Variants in ICAM2 observed in about 807,000 individuals in gnomAD.
ICAM2 encodes the protein ICAM-2.
A neutral mutation model predicts 19.1 loss-of-function variants in ICAM2; 14 were observed. The ratio of observed to expected loss-of-function variants is 0.73; its 90% CI spans 0.48 to 1.15. The LOEUF (loss-of-function observed/expected upper bound fraction) is 1.15. Among genes scored for constraint, ICAM2 ranks in the 50% most tolerant of loss-of-function variants. The pLI, the probability that ICAM2 is intolerant of heterozygous loss-of-function variation, is 0.00. For missense variants in ICAM2, 311 were observed against 355.4 expected, an observed-to-expected ratio of 0.88 and a Z score of 1.00; for synonymous variants, 153 against 152.7, an observed-to-expected ratio of 1.00 and a Z score of -0.01.
chr17:64,013,159 A>G (rs1419931205), intron 1 of ICAM2, among the ~76,000 whole-genome samples: 1 of 152,116 alleles, frequency 6.6e-6, no homozygotes, highest in Non-Finnish European at 1.5e-5. Context: ...TAAAAATACA[A>G]AAATTAGCTG....
chr17:64,003,884 G>T lies in ICAM2; in HGVS notation c.409C>A (p.Pro137Thr). 6.2e-7 allele frequency: 1 copy of T among 1,614,168 alleles called. No homozygotes were observed. The highest frequency in any genetic ancestry group is 8.5e-7 in the Non-Finnish European group (1 of 1,180,012). ...AGGCTGTCCAGGGGCTCCACGGTGG[G>T]CACCCTGCACTCAATGGTGAAGGAC... is the stretch of plus-strand genomic sequence containing the variant. ...GKSFTIECRV[P>T]TVEPLDSLTL... The change falls in exon 4 of 5, where the codon CCC becomes ACC. Residue 137 changes from proline to threonine, a missense_variant. By Grantham distance (38) the Pro-to-Thr change is conservative. Transcript: ENST00000579788.
At chr17:64,003,219 G>A (rs1156962005) in intron 4 of ICAM2, 1 of 459,188 alleles carries the variant, frequency 2.2e-6, no homozygotes, top group African/African-American at 2.0e-5. Context: ...GGACACCGTG[G>A]CCTGGAGGGT....
chr17:64,009,774 G>A (rs1911372848), intron 1 of ICAM2, among the ~76,000 whole-genome samples: 1 of 152,162 alleles, frequency 6.6e-6, no homozygotes. Context: ...TAGGATTAGA[G>A]TTCCCTTAAC....
chr17:64,011,799 T>C (rs1193267072), intron 1 of ICAM2, among the ~76,000 whole-genome samples: 3 of 152,196 alleles, frequency 2.0e-5, no homozygotes, highest in Non-Finnish European at 2.9e-5. Context: ...GAAAAAGGAA[T>C]GCTTACATGC....
chr17:64,005,319 T>C lies in ICAM2; in HGVS notation c.116A>G (p.Glu39Gly), dbSNP rs750157687. 1 of 1,614,128 alleles carries C rather than the reference T, an allele frequency of 6.2e-7. No homozygotes were observed. The highest frequency in any genetic ancestry group is 8.5e-7 in the Non-Finnish European group (1 of 1,180,000). ...VHVRPKKLAV[E>G]PKGSLEVNCS... ...GTTGACCTCGAGGGACCCTTTGGGC[T>C]CAACCGCCAGCTTCTTTGGCCTCAC... The change falls in exon 3 of 5, where the codon GAG becomes GGG. Residue 39 changes from glutamate (E) to glycine (G), a missense_variant. By Grantham distance (98) the Glu-to-Gly change is moderately conservative. Transcript: ENST00000579788.
At position 64,002,783 on chromosome 17, in the gene ICAM2, C is replaced by A. The variant is rs186856824; in HGVS notation, c.792G>T (p.Ala264=). The A allele has an allele frequency of 4.3e-6, 7 of 1,613,230 alleles. No homozygotes were observed. In the East Asian group the frequency reaches 1.6e-4, roughly 36 times the overall value. The change falls in exon 5 of 5, where the codon GCG becomes GCT. Residue 264 remains alanine (A), a synonymous_variant. Transcript: ENST00000579788. ...AGGCCTGGGGCAGCCTCCTCCAAGCCGCTCGCACCCCGTAGGTGCCCATCC... is the reference window on the plus strand; with the variant it reads ...AGGCCTGGGGCAGCCTCCTCCAAGCAGCTCGCACCCCGTAGGTGCCCATCC... ...QQRMGTYGVR[A]AWRRLPQAFR...
At chr17:64,005,418 C>G (rs752195528) in intron 2 of ICAM2, 45 bp from the exon 3 acceptor site, 8 of 1,590,906 alleles carry the variant, frequency 5.0e-6, no homozygotes, top group South Asian at 3.4e-5. Flanking sequence ...CCCCCCACCC[C>G]CTGCCCTCCA....
chr17:64,020,425 A>G (rs1911904581), intron 1 of ICAM2, 98 bp downstream of exon 1: 1 of 152,406 alleles, frequency 6.6e-6, no homozygotes, highest in African/African-American at 2.4e-5. Context: ...ACTGAGACCC[A>G]GAGAGGGGAA....
chr17:64,014,367 G>C lies in ICAM2; in HGVS notation c.-45+6156C>G, dbSNP rs1567849297. ...AGAAAGAAAGAAAGAAAGAAAGAAA[G>C]AAAGAAAGAAAGGAAGGAAGGAAGG... On this transcript the variant is annotated intron_variant, in intron 1 of 4. Transcript: ENST00000579788. 8.9e-5 allele frequency among the ~76,000 whole-genome samples: 5 copies of C among 56,050 alleles called. No individual in the cohort carries two copies. In the East Asian group the frequency reaches 2.6e-3, roughly 30 times the overall value. 36.8% of individuals were successfully genotyped at this position (56,050 alleles called of 152,430 possible). A position where few individuals can be genotyped will look rare whatever the true frequency, so the allele number is the denominator to read the frequency against.
In ICAM2 at chr17:64,005,170, G is replaced by C; in HGVS notation, c.265C>G (p.Leu89Val). ...CCGGAGCAGGTGAAGTGGCATTGGA[G>C]GACCGTGTCATGGGAGATGTTTGAG... ...LVSNISHDTV[L>V]QCHFTCSGKQ... The change falls in exon 3 of 5, where the codon CTC (leucine) becomes GTC (valine). Residue 89 changes from leucine (L) to valine (V), a missense_variant. Transcript: ENST00000579788. 1 of 1,614,162 alleles carries C rather than the reference G, an allele frequency of 6.2e-7. No homozygotes were observed. Among genetic ancestry groups the C allele is most frequent in the Non-Finnish European group, 8.5e-7 (1 of 1,180,010 alleles).
At chr17:64,008,386 C>T (rs993710135) in intron 1 of ICAM2, among the ~76,000 whole-genome samples, 3 of 152,176 alleles carry the variant, frequency 2.0e-5, no homozygotes, top group African/African-American at 7.2e-5. Context: ...AGTGGAGACT[C>T]TGTGTCCTCC....
At chr17:64,009,426 G>C (rs895544708) in intron 1 of ICAM2, among the ~76,000 whole-genome samples, 10 of 152,010 alleles carry the variant, frequency 6.6e-5, no homozygotes, top group Admixed American at 2.6e-4. Flanking sequence ...CTTGAGGATG[G>C]GCACTTTGAG....
At position 64,004,925 on chromosome 17, in the gene ICAM2, G is replaced by A. The variant is rs1911098785; in HGVS notation, c.328+182C>T. 4.6e-6 allele frequency: 3 copies of A among 657,200 alleles called. No homozygotes were observed. In the East Asian group the frequency reaches 8.2e-5, roughly 18 times the overall value. The allele number at this position is 657,200 out of a possible 1,614,324, so 40.7% of individuals were successfully genotyped here. A position where few individuals can be genotyped will look rare whatever the true frequency, so the allele number is the denominator to read the frequency against. The stretch of plus-strand genomic sequence containing the variant: ...GGGTTGTCTGCGTCTTGAGATGCCA[G>A]CGGGCTCAAGGCATCCAACCAAGGG... On this transcript the variant is annotated intron_variant, in intron 3 of 4. Transcript: ENST00000579788.
intron 3 of ICAM2, 161 bp from the exon 4 acceptor site, chr17:64,004,125 T>C (rs1310016433): frequency 8.3e-6 from 5 of 605,560 alleles, no homozygotes; most frequent in Non-Finnish European, 1.5e-5. Context: ...CAGTTGAGGA[T>C]GGAGGCTGGA....
Position 64,010,408 on chromosome 17 carries a change from G to A in ICAM2, c.-44-3673C>T, listed in dbSNP as rs142120842. Among the ~76,000 whole-genome samples the A allele has an allele frequency of 1.1e-3, 161 of 152,218 alleles. 1 individual carries two copies. Among genetic ancestry groups the A allele is most frequent in the East Asian group, 6.6e-3 (34 of 5,184 alleles). ...AGGAGTTAAGATAGTTCTGGAAAAC[G>A]TGAGAGAATTTTTGAGGGGAGGGGA... On this transcript the variant is annotated intron_variant, in intron 1 of 4. Transcript: ENST00000579788.
At chr17:64,014,599 GA>G in intron 1 of ICAM2, among the ~76,000 whole-genome samples, 1 of 118,888 alleles carries the variant, frequency 8.4e-6, no homozygotes, top group Non-Finnish European at 1.8e-5. Context: ...AAGAAAGAAA[GA>G]AAGGGAGGGA....
rs764509976 is a variant in ICAM2 at position 64,002,875 on chromosome 17, AC to A, written c.699del (p.Leu234CysfsTer6). The A allele has an allele frequency of 1.2e-6, 2 of 1,613,862 alleles. No individual in the cohort carries two copies. The highest frequency in any genetic ancestry group is 3.3e-5 in the Admixed American group (2 of 60,000). On this transcript the variant is annotated frameshift_variant, in exon 5 of 5. Transcript: ENST00000579788. LOFTEE classifies it low-confidence loss of function (END_TRUNC). Reference protein sequence around the residue: ...QMVIIVTVVSVLLSLFVTSVL... With the variant: ...QMVIIVTVVSXLLSLFVTSVL... ...ACAGATGTCACGAACAGGGACAGCA[AC>A]ACCGACACCACCGTGACTATGATGA...
At position 64,003,804 on chromosome 17, in the gene ICAM2, C is replaced by T; in HGVS notation, c.489G>A (p.Lys163=). The T allele has an allele frequency of 6.2e-7, 1 of 1,614,252 alleles. No individual in the cohort carries two copies. Among genetic ancestry groups the T allele is most frequent in the South Asian group, 1.1e-5 (1 of 91,088 alleles). ...TGGCCTCCTGCGGAGCAGGGGCTGC[C>T]TTCCCGAAGGTCTCATAGTGCAGAG... ...NETLHYETFG[K]AAPAPQEATA... is the part of the protein sequence containing the mutation. Residue 163 remains lysine, a synonymous_variant, in exon 4 of 5, where the codon AAG becomes AAA. Coordinates refer to ENST00000579788, the MANE Select transcript of ICAM2 (RefSeq NM_001099789.2).
intron 1 of ICAM2, among the ~76,000 whole-genome samples, chr17:64,016,901 A>G (rs1453976050): frequency 6.6e-6 from 1 of 152,224 alleles, no homozygotes; most frequent in Non-Finnish European, 1.5e-5. Context: ...ACATACGATA[A>G]TATCAACAGA....
Sources: gnomAD v4.1 joint callset for allele counts (sites outside exome capture counted in the v4.1 genomes callset) on GRCh38, gnomAD v4.1.1 for gene constraint, MANE v1.5 for transcripts, NCBI Gene and HGNC (gene_info 2026-07-23, HGNC 2026-07-21) for gene names.